The following KITLG variants were observed in gnomAD, a reference collection of about 807,000 sequenced individuals.
KITLG encodes c-Kit ligand.
A neutral mutation model predicts 34.1 loss-of-function variants in KITLG; 13 were observed. That is an observed-to-expected ratio of 0.38 (90% CI 0.25 to 0.61). The LOEUF (loss-of-function observed/expected upper bound fraction) is 0.61, where lower values mean the gene tolerates loss of function less well. Among genes scored for constraint, KITLG ranks in the 20% least tolerant of loss-of-function variants. KITLG has a pLI of 0.60. For missense variants in KITLG, 292 were observed against 318.9 expected (o/e 0.92, Z 0.64); for synonymous variants, 110 against 104.0 (o/e 1.06, Z -0.35).
chr12:88,533,771 A>G (rs1870197164), intron 2 of KITLG, among the ~76,000 whole-genome samples: 1 of 152,108 alleles, frequency 6.6e-6, no homozygotes, highest in South Asian at 2.1e-4. Context: ...CAAGTTTACC[A>G]TAACATTTTC....
intron 1 of KITLG, among the ~76,000 whole-genome samples, chr12:88,557,832 G>A (rs1333579496): frequency 1.3e-5 from 2 of 152,000 alleles, no homozygotes; most frequent in Non-Finnish European, 2.9e-5. Context: ...ATGCCAACTA[G>A]CTGCTCTTAA....
chr12:88,520,896 G>A (rs1869632218), intron 3 of KITLG, among the ~76,000 whole-genome samples: 1 of 152,056 alleles, frequency 6.6e-6, no homozygotes, highest in Admixed American at 6.6e-5. Context: ...ACTCTTTCCA[G>A]TAAAATTTCC....
intron 2 of KITLG, among the ~76,000 whole-genome samples, chr12:88,542,644 G>GCA (rs145883562): frequency 3.1e-3 from 462 of 149,398 alleles, no homozygotes; most frequent in Non-Finnish European, 4.1e-3. Context: ...ACACACACAT[G>GCA]CACACACACA....
intron 9 of KITLG, among the ~76,000 whole-genome samples, chr12:88,499,057 C>A (rs1026568728): frequency 6.6e-6 from 1 of 151,942 alleles, no homozygotes; most frequent in African/African-American, 2.4e-5. Flanking sequence ...TTGCAAGAAC[C>A]CTTGTGAAAT....
intron 1 of KITLG, among the ~76,000 whole-genome samples, chr12:88,568,625 C>T (rs1212299119): frequency 6.6e-6 from 1 of 152,072 alleles, no homozygotes; most frequent in Non-Finnish European, 1.5e-5. Context: ...CTCCAAACCC[C>T]ATGCTTCTTC....
chr12:88,532,863 A>G (rs1870150311), intron 2 of KITLG, among the ~76,000 whole-genome samples: 2 of 152,156 alleles, frequency 1.3e-5, no homozygotes, highest in African/African-American at 2.4e-5. Flanking sequence ...ATCATAAAAT[A>G]CATGCTTTTT....
At chr12:88,547,853 T>G (rs1870769308) in intron 1 of KITLG, among the ~76,000 whole-genome samples, 1 of 152,196 alleles carries the variant, frequency 6.6e-6, no homozygotes, top group African/African-American at 2.4e-5. Context: ...AACAAGTATT[T>G]ATTGAGTATC....
chr12:88,562,910 A>G (rs532300489), intron 1 of KITLG, among the ~76,000 whole-genome samples: 1 of 152,318 alleles, frequency 6.6e-6, no homozygotes, highest in African/African-American at 2.4e-5. Flanking sequence ...ACGTAAGTAT[A>G]AAGTGGAGTT....
intron 2 of KITLG, among the ~76,000 whole-genome samples, chr12:88,538,630 T>G (rs1164324114): frequency 6.6e-6 from 1 of 152,066 alleles, no homozygotes; most frequent in African/African-American, 2.4e-5. Flanking sequence ...AATGTTTACA[T>G]GCAAACTGGA....
At chr12:88,557,206 T>C (rs1277094338) in intron 1 of KITLG, among the ~76,000 whole-genome samples, 2 of 152,054 alleles carry the variant, frequency 1.3e-5, no homozygotes, top group African/African-American at 4.8e-5. Flanking sequence ...TCACCTGGGG[T>C]TAACAGAGCC....
chr12:88,507,373 C>T (rs773686188), intron 6 of KITLG, among the ~76,000 whole-genome samples: 2 of 152,194 alleles, frequency 1.3e-5, no homozygotes, highest in African/African-American at 4.8e-5. Context: ...AGAAAGAGAT[C>T]TGGCTTGGGT....
chr12:88,548,948 G>T (rs1267553753), intron 1 of KITLG, among the ~76,000 whole-genome samples: 1 of 152,168 alleles, frequency 6.6e-6, no homozygotes, highest in Admixed American at 6.5e-5. Context: ...GGTGGAAACA[G>T]CTTGAAATTT....
At chr12:88,533,940 C>T (rs1870204480) in intron 2 of KITLG, among the ~76,000 whole-genome samples, 2 of 152,148 alleles carry the variant, frequency 1.3e-5, no homozygotes, top group Admixed American at 6.5e-5. Context: ...TGCCACCTGA[C>T]ACTCATTTCA....
chr12:88,573,230 C>T (rs10506957), intron 1 of KITLG, among the ~76,000 whole-genome samples: 96,042 of 152,018 alleles, frequency 0.63, 36,309 homozygotes, highest in Middle Eastern at 0.83. Flanking sequence ...GCCAGTACAT[C>T]GATATGGATA....
intron 4 of KITLG, among the ~76,000 whole-genome samples, chr12:88,517,402 T>C (rs1869497750): frequency 6.6e-6 from 1 of 152,124 alleles, no homozygotes. Context: ...TGGACTATTC[T>C]AAGTGCTTTA....
chr12:88,572,078 A>T (rs1323855471), intron 1 of KITLG, among the ~76,000 whole-genome samples: 1 of 152,202 alleles, frequency 6.6e-6, no homozygotes, highest in Non-Finnish European at 1.5e-5. Context: ...GATAGAAGCT[A>T]TTTAAAATGG....
chr12:88,539,776 T>C (rs1383008940), intron 2 of KITLG, among the ~76,000 whole-genome samples: 3 of 151,862 alleles, frequency 2.0e-5, no homozygotes, highest in Admixed American at 6.6e-5. Flanking sequence ...TTTAAAAAAT[T>C]AGTCAGGTAT....
At chr12:88,571,044 A>C (rs2120983964) in intron 1 of KITLG, among the ~76,000 whole-genome samples, 1 of 152,320 alleles carries the variant, frequency 6.6e-6, no homozygotes, top group African/African-American at 2.4e-5. Context: ...TATGAGTGTC[A>C]AATAAGATAG....
chr12:88,554,958 G>C (rs1203672625), intron 1 of KITLG, among the ~76,000 whole-genome samples: 1 of 152,116 alleles, frequency 6.6e-6, no homozygotes, highest in African/African-American at 2.4e-5. Context: ...GTCCAAATTG[G>C]TGGGTGCCAA....
Sources: gnomAD v4.1 joint callset for allele counts (sites outside exome capture counted in the v4.1 genomes callset) on GRCh38, gnomAD v4.1.1 for gene constraint, MANE v1.5 for transcripts, NCBI Gene and HGNC (gene_info 2026-07-23, HGNC 2026-07-21) for gene names.